Variants in DNAH1 observed in about 807,000 individuals in gnomAD.
DNAH1 encodes dynein axonemal heavy chain 1, also known as axonemal beta dynein heavy chain 1.
DNAH1 carries 327 observed loss-of-function variants against 484.3 expected under a neutral mutation model. The ratio of observed to expected loss-of-function variants is 0.68; its 90% CI spans 0.62 to 0.74. The LOEUF (loss-of-function observed/expected upper bound fraction) is 0.74. DNAH1 is among the 30% of genes least tolerant of loss of function. The pLI, the probability that DNAH1 is intolerant of heterozygous loss-of-function variation, is 0.00. For synonymous variants in DNAH1, 2,192 were observed against 2,191.9 expected (o/e 1.00, Z 0.00); for missense variants, 5,052 against 5,546.8 (o/e 0.91, Z 2.83).
intron 52 of DNAH1, 45 bp from the exon 53 acceptor site, chr3:52,384,741 C>A: frequency 2.6e-6 from 4 of 1,517,130 alleles, no homozygotes; most frequent in Non-Finnish European, 3.5e-6. Flanking sequence ...CCCTGTCTTT[C>A]CTGGGGCCTC....
chr3:52,319,467 T>A (rs1431472881), intron 1 of DNAH1, among the ~76,000 whole-genome samples: 1 of 152,184 alleles, frequency 6.6e-6, no homozygotes, highest in Non-Finnish European at 1.5e-5. Flanking sequence ...CCTCAGAAGT[T>A]TAAATGAGAT....
At chr3:52,375,931 C>G in intron 45 of DNAH1, 24 bp from the exon 46 acceptor site, 2 of 1,611,444 alleles carry the variant, frequency 1.2e-6, no homozygotes, top group Non-Finnish European at 1.7e-6. Context: ...CCCTGAGCCC[C>G]GTGTTTCTCC....
At chr3:52,331,512 G>C (rs1701549429) in intron 7 of DNAH1, among the ~76,000 whole-genome samples, 1 of 152,146 alleles carries the variant, frequency 6.6e-6, no homozygotes, top group Admixed American at 6.5e-5. Context: ...TGGCATGTCA[G>C]CTCTGAGCCC....
In DNAH1 at chr3:52,360,367, A is replaced by G. The variant is rs767578024; in HGVS notation, c.4628A>G (p.Tyr1543Cys). The G allele has an allele frequency of 6.2e-7, 1 of 1,614,000 alleles. No homozygotes were observed. Among genetic ancestry groups the G allele is most frequent in the South Asian group, 1.1e-5 (1 of 91,086 alleles). ...CGTGCTGTGAATGCTGAGTTCATCT[A>G]TGGCTATGAGTACCTGGGCAACAGT... ...YIRAVNAEFI[Y>C]GYEYLGNSGR... The change falls in exon 28 of 78, where the codon TAT (tyrosine) becomes TGT (cysteine). Residue 1543 changes from tyrosine (Y) to cysteine (C), a missense_variant. Physicochemically the swap from Tyr to Cys is radical, Grantham distance 194. Transcript: ENST00000420323.
Position 52,361,701 on chromosome 3 carries a change from G to A in DNAH1, c.4915G>A (p.Asp1639Asn), listed in dbSNP as rs140409219. Residue 1639 changes from aspartate (D) to asparagine (N), a missense_variant, in exon 30 of 78, where the codon GAC becomes AAC. By Grantham distance (23) the Asp-to-Asn change is conservative. Transcript: ENST00000420323. The surrounding 1 kb of genome is among the most constrained non-coding windows in gnomAD (Gnocchi z 5.6). ...CTGCTTCGACGAGTTCAATCGCATCGACATCGAGGTGCTGTCTGTGGTGGC... is the reference window on the plus strand; with the variant it reads ...CTGCTTCGACGAGTTCAATCGCATCAACATCGAGGTGCTGTCTGTGGTGGC... ...WACFDEFNRI[D>N]IEVLSVVAQQ... The A allele has an allele frequency of 6.8e-6, 11 of 1,611,450 alleles. No homozygotes were observed. Among genetic ancestry groups the A allele is most frequent in the South Asian group, 2.2e-5 (2 of 90,368 alleles).
At chr3:52,333,147 A>G (rs1194354017) in intron 8 of DNAH1, among the ~76,000 whole-genome samples, 1 of 150,964 alleles carries the variant, frequency 6.6e-6, no homozygotes, top group East Asian at 2.0e-4. Flanking sequence ...TGGCTTCCCA[A>G]AGTGCTGGGA....
rs370960244 is a variant in DNAH1 at position 52,368,698 on chromosome 3, C to T, written c.5766-43C>T. 36 of 1,584,752 alleles carry T rather than the reference C, an allele frequency of 2.3e-5. No individual in the cohort carries two copies. In the African/African-American group the frequency reaches 2.4e-4, roughly 11 times the overall value. ...TGGGAGCCAGCTGTGCTCGAAGCAC[C>T]GCCTCCCTGATGTTTCCAGCCCTCT... On this transcript the variant is annotated intron_variant, in intron 36 of 77. Transcript: ENST00000420323. This position sits in a 1 kb window ranked among gnomAD's most constrained non-coding sequence, Gnocchi z 4.4.
In DNAH1 at chr3:52,327,980, A is replaced by G. The variant is rs769577007; in HGVS notation, c.837A>G (p.Lys279=). 3 of 1,613,816 alleles carry G rather than the reference A, an allele frequency of 1.9e-6. No individual in the cohort carries two copies. The African/African-American group carries it at 4.0e-5, about 22-fold the overall frequency. The change falls in exon 6 of 78, where the codon AAA becomes AAG. Residue 279 remains lysine, a synonymous_variant. Transcript: ENST00000420323. ...GSLDRKPVPG[K]ALLPTDDFLG... ...TGGACAGGAAACCTGTCCCGGGAAA[A>G]GCCCTCTTGCCCACTGATGACTTCC...
At chr3:52,357,540 G>A (rs1187746848) in intron 22 of DNAH1, 74 bp from the exon 23 acceptor site, 4 of 1,540,902 alleles carry the variant, frequency 2.6e-6, no homozygotes, top group East Asian at 2.4e-5. Flanking sequence ...TGGTGTGGGT[G>A]CTCTGGGATG....
At chr3:52,388,689 C>T (rs775852875) in intron 58 of DNAH1, 80 bp downstream of exon 58, 107 of 1,606,964 alleles carry the variant, frequency 6.7e-5, no homozygotes, top group Non-Finnish European at 8.8e-5. Context: ...GCCGGTGGGT[C>T]CTGGGGTGGC....
intron 70 of DNAH1, 148 bp from the exon 71 acceptor site, chr3:52,396,220 A>G (rs1704616895): frequency 1.2e-6 from 1 of 861,402 alleles, no homozygotes. Context: ...GACGTGAGCC[A>G]CCGCGCCCAG....
chr3:52,378,755 T>C lies in DNAH1; in HGVS notation c.7352T>C (p.Leu2451Pro), dbSNP rs749056460. 1 of 1,613,670 alleles carries C rather than the reference T, an allele frequency of 6.2e-7. No homozygotes were observed. Among genetic ancestry groups the C allele is most frequent in the Non-Finnish European group, 8.5e-7 (1 of 1,179,858 alleles). The change falls in exon 47 of 78, where the codon CTC becomes CCC. Residue 2451 changes from leucine (L) to proline (P), a missense_variant. Coordinates refer to ENST00000420323, the MANE Select transcript of DNAH1 (RefSeq NM_015512.5). ...RDLSKVFQGM[L>P]MADPAKVEDQ... is the part of the protein sequence containing the mutation. Reference sequence around the variant, plus strand: ...CTCTCCAAGGTCTTCCAAGGCATGCTCATGGCTGACCCGGCCAAGGTCGAG... The same window carrying C: ...CTCTCCAAGGTCTTCCAAGGCATGCCCATGGCTGACCCGGCCAAGGTCGAG...
rs1703761358 is a variant in DNAH1, at chr3:52,379,820, G to A, written c.7378-85G>A. On this transcript the variant is annotated intron_variant, in intron 47 of 77. Transcript: ENST00000420323. The surrounding 1 kb of genome is among the most constrained non-coding windows in gnomAD (Gnocchi z 4.4). ...CTCCAGTCAGGGCCCCAGGAACTGG[G>A]GCCCACCCTCCCTTGCCTGGTGGTT... The A allele has an allele frequency of 4.0e-6, 5 of 1,256,410 alleles. No individual in the cohort carries two copies. The highest frequency in any genetic ancestry group is 1.5e-5 in the South Asian group (1 of 66,340). 77.8% of individuals were successfully genotyped at this position (1,256,410 alleles called of 1,614,324 possible). A position where few individuals can be genotyped will look rare whatever the true frequency, so the allele number is the denominator to read the frequency against.
chr3:52,389,406 G>C, intron 59 of DNAH1, 55 bp from the exon 60 acceptor site: 1 of 1,606,434 alleles, frequency 6.2e-7, no homozygotes, highest in African/African-American at 1.3e-5. Context: ...AGTGGGAGTT[G>C]GGAGGTCTCT....
chr3:52,359,619 C>G (rs1263532726), intron 26 of DNAH1, among the ~76,000 whole-genome samples: 1 of 152,208 alleles, frequency 6.6e-6, no homozygotes, highest in Admixed American at 6.5e-5. Context: ...CGCCTGGTCC[C>G]TCCTGCACAG....
rs771663783 is a variant in DNAH1, at chr3:52,391,591, C to T, written c.10040C>T (p.Thr3347Ile). Reference sequence around the variant, plus strand: ...ACCAAACTCACCCTCATCAACTTCACCCTGTCGCCCAGGTGAGCCCCCACT... The same window carrying T: ...ACCAAACTCACCCTCATCAACTTCATCCTGTCGCCCAGGTGAGCCCCCACT... ...ISTKLTLINF[T>I]LSPSGLEDQL... The change falls in exon 63 of 78, where the codon ACC becomes ATC. Residue 3347 changes from threonine (T) to isoleucine (I), a missense_variant. Coordinates refer to ENST00000420323, the MANE Select transcript of DNAH1 (RefSeq NM_015512.5). The T allele has an allele frequency of 2.5e-6, 4 of 1,613,852 alleles. No individual in the cohort carries two copies. In the East Asian group the frequency reaches 8.9e-5, roughly 36 times the overall value.
intron 36 of DNAH1, 70 bp downstream of exon 36, chr3:52,366,957 C>T (rs1234179612): frequency 6.5e-7 from 1 of 1,528,570 alleles, no homozygotes; most frequent in Non-Finnish European, 8.9e-7. Context: ...GCTGCGGTCA[C>T]CCCTCCCTCC....
rs767701628 is a variant in DNAH1, at chr3:52,388,910, C to T, written c.9468C>T (p.Gly3156=). Reference sequence around the variant, plus strand: ...CCGGCGATGTCCTGGTGGCCGCTGGCTTTGTGGCCTACCTGGGCCCCTTCA... The same window carrying T: ...CCGGCGATGTCCTGGTGGCCGCTGGTTTTGTGGCCTACCTGGGCCCCTTCA... ...NISGDVLVAA[G]FVAYLGPFTG... Residue 3156 remains glycine, a synonymous_variant, in exon 59 of 78, where the codon GGC becomes GGT. Transcript: ENST00000420323. 19 of 1,610,352 alleles carry T rather than the reference C, an allele frequency of 1.2e-5. No homozygotes were observed. In the Admixed American group the frequency reaches 3.2e-4, roughly 27 times the overall value.
intron 8 of DNAH1, among the ~76,000 whole-genome samples, chr3:52,339,830 G>A (rs139581658): frequency 1.3e-5 from 2 of 151,448 alleles, no homozygotes; most frequent in African/African-American, 2.4e-5. Flanking sequence ...GTGTGTGTGT[G>A]TACACACGTG....
Sources: gnomAD v4.1 joint callset for allele counts (sites outside exome capture counted in the v4.1 genomes callset) on GRCh38, gnomAD v4.1.1 for gene constraint, Gnocchi (gnomAD v3.1) non-coding constraint, MANE v1.5 for transcripts, NCBI Gene and HGNC (gene_info 2026-07-23, HGNC 2026-07-21) for gene names.